The following CNGA2 variants were observed in gnomAD, a reference collection of about 807,000 sequenced individuals.
The protein encoded by CNGA2 is cyclic nucleotide gated channel subunit alpha 2, also known as cyclic nucleotide-gated channel alpha-2.
In CNGA2, 22 loss-of-function variants were observed where a neutral mutation model predicts 35.9. The ratio of observed to expected loss-of-function variants is 0.61; its 90% CI spans 0.44 to 0.88. CNGA2 has a LOEUF of 0.88. CNGA2 is among the 40% of genes least tolerant of loss of function. The probability of loss-of-function intolerance (pLI) is 0.00; values close to 1 mark genes in which losing one functional copy is unlikely to be tolerated. For synonymous variants in CNGA2, 217 were observed against 209.2 expected (o/e 1.04, Z -0.32); for missense variants, 555 against 530.8 (o/e 1.05, Z -0.45).
intron 1 of CNGA2, 145 bp from the exon 2 acceptor site, chrX:151,738,313 C>A: frequency 2.2e-6 from 1 of 452,523 alleles, no homozygotes. Flanking sequence ...AATCCCACTG[C>A]CCTGACTGCC....
At chrX:151,741,163 C>T (rs759686696) in intron 5 of CNGA2, among the ~76,000 whole-genome samples, 1 of 111,788 alleles carries the variant, frequency 8.9e-6, no homozygotes, top group Non-Finnish European at 1.9e-5. Flanking sequence ...TGATGCCATT[C>T]CCTCCTCACA....
chrX:151,742,761 T>C (rs2015318837), intron 6 of CNGA2, 119 bp downstream of exon 6: 1 of 486,057 alleles, frequency 2.1e-6, no homozygotes, highest in African/African-American at 2.5e-5. Context: ...GTGAGTACCC[T>C]TCTTTGAACC....
chrX:151,737,902 C>G (rs1352412696), intron 1 of CNGA2, among the ~76,000 whole-genome samples: 2 of 106,068 alleles, frequency 1.9e-5, no homozygotes, highest in African/African-American at 6.9e-5. Flanking sequence ...CTGCTCTCTA[C>G]CCCACACCTC....
At position 151,744,390 on chromosome X, in the gene CNGA2, C is replaced by T; in HGVS notation, c.1887C>T (p.Leu629=). ...AGTACACGGGGGCCCAGCAGAAGCTCAAGCAGCGCATCACAGTTCTGGAAA... is the reference window on the plus strand; with the variant it reads ...AGTACACGGGGGCCCAGCAGAAGCTTAAGCAGCGCATCACAGTTCTGGAAA... ...LAEYTGAQQK[L]KQRITVLETK... is the part of the protein sequence containing the mutation. The change falls in exon 7 of 7, where the codon CTC becomes CTT. Residue 629 remains leucine, a synonymous_variant. Coordinates refer to ENST00000329903, the MANE Select transcript of CNGA2 (RefSeq NM_005140.3). 2 of 1,210,997 alleles carry T rather than the reference C, an allele frequency of 1.7e-6. No individual in the cohort carries two copies. Among genetic ancestry groups the T allele is most frequent in the Non-Finnish European group, 2.2e-6 (2 of 895,342 alleles).
At position 151,744,377 on chromosome X, in the gene CNGA2, C is replaced by G. The variant is rs750897875; in HGVS notation, c.1874C>G (p.Ala625Gly). 2 of 1,210,716 alleles carry G rather than the reference C, an allele frequency of 1.7e-6. No homozygotes were observed. Among genetic ancestry groups the G allele is most frequent in the Non-Finnish European group, 2.2e-6 (2 of 895,190 alleles). ...CGCCTGCTGGCTGAGTACACGGGGGCCCAGCAGAAGCTCAAGCAGCGCATC... is the reference window on the plus strand; with the variant it reads ...CGCCTGCTGGCTGAGTACACGGGGGGCCAGCAGAAGCTCAAGCAGCGCATC... Reference protein sequence around the residue: ...FGRLLAEYTGAQQKLKQRITV... With the variant: ...FGRLLAEYTGGQQKLKQRITV... Residue 625 changes from alanine (A) to glycine (G), a missense_variant, in exon 7 of 7, where the codon GCC (alanine) becomes GGC (glycine). Transcript: ENST00000329903.
rs144286627 is a variant in CNGA2 at position 151,744,226 on chromosome X, C to T, written c.1723C>T (p.Arg575Trp). ...DAKKVLEERG[R>W]EILMKEGLLD... ...CAAGAAAGTCCTAGAAGAGAGGGGT[C>T]GGGAGATCCTCATGAAGGAGGGACT... The change falls in exon 7 of 7, where the codon CGG becomes TGG. Residue 575 changes from arginine (R) to tryptophan (W), a missense_variant. Coordinates refer to ENST00000329903, the MANE Select transcript of CNGA2 (RefSeq NM_005140.3). The T allele has an allele frequency of 1.3e-4, 154 of 1,207,632 alleles. No individual in the cohort carries two copies. In the Admixed American group the frequency reaches 3.1e-3, roughly 24 times the overall value.
intron 4 of CNGA2, among the ~76,000 whole-genome samples, chrX:151,740,232 G>A (rs2015291187): frequency 8.9e-6 from 1 of 112,475 alleles, no homozygotes; most frequent in Non-Finnish European, 1.9e-5. Flanking sequence ...CAGATGTCTG[G>A]CCAAGCTGAC....
chrX:151,738,676 T>G, intron 2 of CNGA2, 83 bp downstream of exon 2: 1 of 1,095,582 alleles, frequency 9.1e-7, no homozygotes, highest in Non-Finnish European at 1.3e-6. Flanking sequence ...CAAGCAATCT[T>G]TGTCTCCAGG....
In CNGA2 at chrX:151,743,965, G is replaced by A. The variant is rs759318571; in HGVS notation, c.1462G>A (p.Gly488Ser). 18 of 1,211,491 alleles carry A rather than the reference G, an allele frequency of 1.5e-5. No homozygotes were observed. The highest frequency in any genetic ancestry group is 1.9e-5 in the Non-Finnish European group (17 of 895,499). Residue 488 changes from glycine to serine, a missense_variant, in exon 7 of 7, where the codon GGC (glycine) becomes AGC (serine). Physicochemically the swap from Gly to Ser is moderately conservative, Grantham distance 56. Coordinates refer to ENST00000329903, the MANE Select transcript of CNGA2 (RefSeq NM_005140.3). ...TTACATTTGCCGCAAAGGGGACATC[G>A]GCAAGGAGATGTACATCATTAAGGA... is the stretch of plus-strand genomic sequence containing the variant. ...GDYICRKGDI[G>S]KEMYIIKEGK... is the part of the protein sequence containing the mutation.
Position 151,738,531 on chromosome X carries a change from C to A in CNGA2, c.48C>A (p.His16Gln), listed in dbSNP as rs952741761. 2 of 1,210,110 alleles carry A rather than the reference C, an allele frequency of 1.7e-6. No homozygotes were observed. Among genetic ancestry groups the A allele is most frequent in the Non-Finnish European group, 2.2e-6 (2 of 895,186 alleles). ...NGVKSSPANN[H>Q]NHHAPPAIKA... ...TGAAGAGCTCCCCAGCCAATAATCA[C>A]AACCATCATGCACCTCCTGCCATCA... Residue 16 changes from histidine (H) to glutamine (Q), a missense_variant, in exon 2 of 7, where the codon CAC becomes CAA. Physicochemically the swap from His to Gln is conservative, Grantham distance 24 (BLOSUM62 0). Transcript: ENST00000329903.
In CNGA2 at chrX:151,744,774, G is replaced by C. The variant is rs900492070; in HGVS notation, c.*276G>C. 7 of 307,808 alleles carry C rather than the reference G, an allele frequency of 2.3e-5. No individual in the cohort carries two copies. Among genetic ancestry groups the C allele is most frequent in the Non-Finnish European group, 3.4e-5 (6 of 175,899 alleles). 25.4% of individuals were successfully genotyped at this position (307,808 alleles called of 1,213,427 possible). ...GGAGAAGGGGGCAGCTGTCTGCCAG[G>C]AGTCTGGCTCTTTTGCTCATAGCGA... On this transcript the variant is annotated 3_prime_UTR_variant, in exon 7 of 7. Coordinates refer to ENST00000329903, the MANE Select transcript of CNGA2 (RefSeq NM_005140.3).
chrX:151,740,998 C>A lies in CNGA2; in HGVS notation c.482+97C>A, dbSNP rs959079260. 2.9e-5 allele frequency: 17 copies of A among 593,491 alleles called. 1 individual carries two copies. Among genetic ancestry groups the A allele is most frequent in the Admixed American group, 9.5e-5 (4 of 41,977 alleles). 48.9% of individuals were successfully genotyped at this position (593,491 alleles called of 1,213,427 possible). Reference sequence around the variant, plus strand: ...CAGTCCCTGGATACCAATGGCACCTCCAACTTCTCTGTTAACCCCAACCCT... The same window carrying A: ...CAGTCCCTGGATACCAATGGCACCTACAACTTCTCTGTTAACCCCAACCCT... On this transcript the variant is annotated intron_variant, in intron 5 of 6. Coordinates refer to ENST00000329903, the MANE Select transcript of CNGA2 (RefSeq NM_005140.3).
chrX:151,735,522 G>A (rs749817884), intron 1 of CNGA2, among the ~76,000 whole-genome samples: 1 of 111,380 alleles, frequency 9.0e-6, no homozygotes, highest in Admixed American at 9.5e-5. Context: ...CTTGTGGCCT[G>A]TTTCTCAGCA....
Position 151,734,797 on chromosome X carries a change from G to C in CNGA2, c.-173G>C, listed in dbSNP as rs1376912122. 9.0e-6 allele frequency among the ~76,000 whole-genome samples: 1 copy of C among 111,715 alleles called. No homozygotes were observed. The highest frequency in any genetic ancestry group is 1.9e-5 in the Non-Finnish European group (1 of 53,161). ...TGGCGTGGATAAACTGTTAGATGCT[G>C]CTCAGAAACACAATAGAACATGGAC... On this transcript the variant is annotated 5_prime_UTR_variant, in exon 1 of 7. Coordinates refer to ENST00000329903, the MANE Select transcript of CNGA2 (RefSeq NM_005140.3).
chrX:151,742,215 T>A (rs1411362557), intron 5 of CNGA2, among the ~76,000 whole-genome samples: 1 of 112,287 alleles, frequency 8.9e-6, no homozygotes, highest in Non-Finnish European at 1.9e-5. Flanking sequence ...CATTGAGTGC[T>A]CAAATCCTGT....
At chrX:151,742,036 C>T (rs1190075315) in intron 5 of CNGA2, among the ~76,000 whole-genome samples, 2 of 112,829 alleles carry the variant, frequency 1.8e-5, no homozygotes, top group African/African-American at 6.4e-5. Flanking sequence ...GTTCTGCAAC[C>T]TCCAAACTTT....
Position 151,744,222 on chromosome X carries a change from G to A in CNGA2, c.1719G>A (p.Arg573=). The change falls in exon 7 of 7, where the codon AGG becomes AGA. Residue 573 remains arginine, a synonymous_variant. Coordinates refer to ENST00000329903, the MANE Select transcript of CNGA2 (RefSeq NM_005140.3). The part of the protein sequence containing the change: ...YPDAKKVLEE[R]GREILMKEGL... ...ATGCCAAGAAAGTCCTAGAAGAGAGGGGTCGGGAGATCCTCATGAAGGAGG... is the reference window on the plus strand; with the variant it reads ...ATGCCAAGAAAGTCCTAGAAGAGAGAGGTCGGGAGATCCTCATGAAGGAGG... 1 of 1,210,679 alleles carries A rather than the reference G, an allele frequency of 8.3e-7. No homozygotes were observed. Among genetic ancestry groups the A allele is most frequent in the Non-Finnish European group, 1.1e-6 (1 of 895,323 alleles).
chrX:151,740,969 G>A (rs1464725237), intron 5 of CNGA2, 68 bp downstream of exon 5: 38 of 809,609 alleles, frequency 4.7e-5, no homozygotes, highest in Middle Eastern at 4.0e-4. Context: ...GATTGACGGC[G>A]CAGCAGTCCC....
intron 1 of CNGA2, among the ~76,000 whole-genome samples, chrX:151,737,670 C>G (rs149667896): frequency 6.8e-4 from 76 of 112,138 alleles, no homozygotes; most frequent in African/African-American, 2.4e-3. Flanking sequence ...GCACAGAACA[C>G]TGACTTGTCC....
Sources: allele counts gnomAD v4.1 joint callset (sites outside exome capture counted in the v4.1 genomes callset), GRCh38; gene constraint gnomAD v4.1.1; transcripts MANE v1.5; gene names NCBI Gene and HGNC (gene_info 2026-07-23, HGNC 2026-07-21).